DPP6: variants seen among roughly 807,000 people sequenced by gnomAD.
DPP6 encodes A-type potassium channel modulatory protein DPP6.
Under a neutral mutation model 122.6 loss-of-function variants are expected in DPP6, and 69 were observed. That is an observed-to-expected ratio of 0.56 (90% CI 0.46 to 0.69). The LOEUF is 0.69. Ranked by LOEUF, DPP6 falls within the 30% of genes least tolerant of loss-of-function variation. DPP6 has a pLI of 0.00. For missense variants in DPP6, 928 were observed against 1,116.9 expected (o/e 0.83, Z 2.41); for synonymous variants, 418 against 433.1 (o/e 0.97, Z 0.43).
chr7:154,606,215 A>T lies in DPP6; in HGVS notation c.628-31606A>T, dbSNP rs1268318615. 1.7e-5 allele frequency among the ~76,000 whole-genome samples: 2 copies of T among 120,332 alleles called. 1 individual carries two copies. Among genetic ancestry groups the T allele is most frequent in the East Asian group, 7.2e-4 (2 of 2,794 alleles). 78.9% of individuals were successfully genotyped at this position (120,332 alleles called of 152,430 possible). On this transcript the variant is annotated intron_variant, in intron 5 of 25. Transcript: ENST00000377770. The stretch of plus-strand genomic sequence containing the variant: ...TACTAGATGTTAGTCTCTATGACCT[A>T]TCAGTTTTTGAGAGCAATGTATTAA...
chr7:154,624,817 C>G lies in DPP6; in HGVS notation c.628-13004C>G, dbSNP rs939785455. ...TACCAGTAGTGATGGGTGAGAAACACTGGCTATGCTAACAGAAGCAGGCAC... is the reference window on the plus strand; with the variant it reads ...TACCAGTAGTGATGGGTGAGAAACAGTGGCTATGCTAACAGAAGCAGGCAC... On this transcript the variant is annotated intron_variant, in intron 5 of 25. Coordinates refer to ENST00000377770, the MANE Select transcript of DPP6 (RefSeq NM_130797.4). The surrounding 1 kb of genome is among the most constrained non-coding windows in gnomAD (Gnocchi z 4.7). 5.9e-5 allele frequency among the ~76,000 whole-genome samples: 9 copies of G among 152,214 alleles called. No homozygotes were observed. Among genetic ancestry groups the G allele is most frequent in the Non-Finnish European group, 4.4e-5 (3 of 68,034 alleles).
chr7:154,348,255 T>C (rs1810562659), intron 1 of DPP6, among the ~76,000 whole-genome samples: 1 of 152,254 alleles, frequency 6.6e-6, no homozygotes, highest in African/African-American at 2.4e-5. Flanking sequence ...CATACGATTC[T>C]ATTCTTGAAA....
At chr7:153,955,945 A>G (rs991335710) in intron 1 of DPP6, among the ~76,000 whole-genome samples, 2 of 152,166 alleles carry the variant, frequency 1.3e-5, no homozygotes, top group African/African-American at 4.8e-5. Flanking sequence ...GTGTGGAGTG[A>G]CAGATGTGGC....
chr7:154,441,333 A>T (rs1457440204), intron 1 of DPP6, among the ~76,000 whole-genome samples: 1 of 152,202 alleles, frequency 6.6e-6, no homozygotes, highest in East Asian at 1.9e-4. Flanking sequence ...ATGTTGCTAA[A>T]ACATTACTTG....
chr7:153,978,183 G>A (rs1415992099), intron 1 of DPP6, among the ~76,000 whole-genome samples: 2 of 152,174 alleles, frequency 1.3e-5, no homozygotes, highest in Non-Finnish European at 1.5e-5. Context: ...GTGTAAAAGC[G>A]TTCTTATTTC....
At chr7:154,073,804 A>G (rs977118186) in intron 1 of DPP6, among the ~76,000 whole-genome samples, 4 of 152,166 alleles carry the variant, frequency 2.6e-5, no homozygotes, top group Non-Finnish European at 5.9e-5. Context: ...TTAAATAAAT[A>G]TGAAACCCCA....
the DPP6 span, among the ~76,000 whole-genome samples, chr7:153,849,347 A>G: frequency 6.6e-6 from 1 of 151,598 alleles, no homozygotes; most frequent in Non-Finnish European, 1.5e-5. Context: ...CTCCCTCTGC[A>G]GAGGTGCTTT....
chr7:154,144,026 T>C (rs1416902232), intron 1 of DPP6, among the ~76,000 whole-genome samples: 1 of 151,364 alleles, frequency 6.6e-6, no homozygotes, highest in Non-Finnish European at 1.5e-5. Context: ...ACCAGCAGTA[T>C]ATGAGGGAAT....
intron 1 of DPP6, among the ~76,000 whole-genome samples, chr7:153,970,366 G>A (rs1795962521): frequency 6.6e-6 from 1 of 152,096 alleles, no homozygotes; most frequent in Non-Finnish European, 1.5e-5. Flanking sequence ...TCCTATTATT[G>A]AATTGTAAGA....
At chr7:154,435,219 A>G (rs1402820899) in intron 1 of DPP6, among the ~76,000 whole-genome samples, 1 of 152,080 alleles carries the variant, frequency 6.6e-6, no homozygotes, top group East Asian at 1.9e-4. Flanking sequence ...TGAAAGAGCA[A>G]CAGGGACAGA....
At chr7:153,963,159 G>A (rs1795445197) in intron 1 of DPP6, among the ~76,000 whole-genome samples, 1 of 152,154 alleles carries the variant, frequency 6.6e-6, no homozygotes, top group Non-Finnish European at 1.5e-5. Context: ...TAAAAGGGAA[G>A]CTAATGTGAG....
chr7:154,560,878 G>A (rs531453215), intron 4 of DPP6, among the ~76,000 whole-genome samples: 65 of 132,166 alleles, frequency 4.9e-4, no homozygotes, highest in African/African-American at 1.6e-3. Context: ...GTGAGACTCC[G>A]TCTTAAAAAA....
chr7:154,098,219 G>A (rs1397217975), intron 1 of DPP6, among the ~76,000 whole-genome samples: 1 of 152,116 alleles, frequency 6.6e-6, no homozygotes, highest in Non-Finnish European at 1.5e-5. Context: ...TTTATAAGGG[G>A]CTTTTCCCCT....
At chr7:154,205,885 G>A (rs141193615) in intron 1 of DPP6, among the ~76,000 whole-genome samples, 2,354 of 152,272 alleles carry the variant, frequency 0.015, 64 homozygotes, top group African/African-American at 0.053. Flanking sequence ...TGGAGCAGCC[G>A]TGGCCTCTCT....
intron 1 of DPP6, among the ~76,000 whole-genome samples, chr7:154,046,381 G>A (rs1393921897): frequency 1.3e-5 from 2 of 152,188 alleles, no homozygotes; most frequent in Non-Finnish European, 2.9e-5. Flanking sequence ...TCAGGGGACA[G>A]GTTAAGATGC....
At chr7:154,828,594 C>T (rs537233999) in intron 16 of DPP6, among the ~76,000 whole-genome samples, 209 of 152,168 alleles carry the variant, frequency 1.4e-3, no homozygotes, top group Non-Finnish European at 2.6e-3. Context: ...TATATTCCAG[C>T]GGGCTACATT....
At chr7:154,199,018 GT>G (rs548827696) in intron 1 of DPP6, among the ~76,000 whole-genome samples, 100 of 147,166 alleles carry the variant, frequency 6.8e-4, no homozygotes, top group Non-Finnish European at 1.2e-3. Context: ...GTTTACTAGG[GT>G]TTTTTTTTTT....
At chr7:154,329,507 T>G (rs1460010787) in intron 1 of DPP6, among the ~76,000 whole-genome samples, 1 of 152,244 alleles carries the variant, frequency 6.6e-6, no homozygotes. Context: ...CCAGTTAGAA[T>G]GGCGATCATT....
At chr7:154,724,188 T>C (rs1841954837) in intron 7 of DPP6, among the ~76,000 whole-genome samples, 1 of 152,122 alleles carries the variant, frequency 6.6e-6, no homozygotes, top group Admixed American at 6.5e-5. Context: ...GGCCATGTAA[T>C]ATGTATCAAA....
Sources: allele counts gnomAD v4.1 joint callset (sites outside exome capture counted in the v4.1 genomes callset), GRCh38; gene constraint gnomAD v4.1.1; non-coding constraint Gnocchi (gnomAD v3.1); transcripts MANE v1.5; gene names NCBI Gene and HGNC (gene_info 2026-07-23, HGNC 2026-07-21).